TBL1Y: variants seen among roughly 807,000 people sequenced by gnomAD.
The protein encoded by TBL1Y is F-box-like/WD repeat-containing protein TBL1Y.
In TBL1Y, 15 loss-of-function variants were observed where a neutral mutation model predicts 12.0. The ratio of observed to expected loss-of-function variants is 1.25; its 90% CI spans 0.83 to 1.92. The LOEUF is 1.92. TBL1Y is among the 40% of genes most tolerant of loss of function. The pLI, the probability that TBL1Y is intolerant of heterozygous loss-of-function variation, is 0.00. For synonymous variants in TBL1Y, 53 were observed against 42.6 expected (o/e 1.24, Z -0.95); for missense variants, 148 against 116.7 (o/e 1.27, Z -1.24).
intron 4 of TBL1Y, among the ~76,000 whole-genome samples, chrY:7,007,029 G>A (rs768510718): frequency 3.0e-5 from 1 of 33,804 alleles, no homozygotes; most frequent in South Asian, 6.6e-4. Flanking sequence ...CAAGAACAGT[G>A]CTACTTAAAT....
intron 7 of TBL1Y, among the ~76,000 whole-genome samples, chrY:7,062,695 G>A (rs2012882709): frequency 1.5e-4 from 5 of 33,020 alleles, no homozygotes; most frequent in African/African-American, 4.8e-4. Context: ...TGCCTTTTGG[G>A]TTGAGGCTTA....
chrY:6,941,378 G>A (rs866864831), intron 2 of TBL1Y, among the ~76,000 whole-genome samples: 3 of 32,970 alleles, frequency 9.1e-5, no homozygotes, highest in Non-Finnish European at 2.2e-4. Context: ...AAAAGTAGCC[G>A]GGTGTGGTGG....
intron 8 of TBL1Y, among the ~76,000 whole-genome samples, chrY:7,065,419 C>G (rs2012974748): frequency 3.0e-5 from 1 of 33,803 alleles, no homozygotes; most frequent in Non-Finnish European, 7.3e-5. Context: ...TCCATTAAAC[C>G]TCTTTCCTTT....
intron 2 of TBL1Y, among the ~76,000 whole-genome samples, chrY:6,924,460 C>T: frequency 1.9e-4 from 6 of 31,142 alleles, no homozygotes; most frequent in Admixed American, 9.0e-4. Context: ...TGATGGCGGA[C>T]GCCTGTAGTC....
intron 3 of TBL1Y, among the ~76,000 whole-genome samples, chrY:6,981,622 C>T (rs1035122062): frequency 4.5e-3 from 139 of 31,108 alleles, no homozygotes; most frequent in Non-Finnish European, 0.01. Flanking sequence ...AATTCTCAAA[C>T]GTTGGGTGTT....
chrY:6,982,578 A>G (rs757363891), intron 3 of TBL1Y, among the ~76,000 whole-genome samples: 92 of 34,092 alleles, frequency 2.7e-3, no homozygotes, highest in Admixed American at 4.8e-3. Flanking sequence ...ATGCTGAAAG[A>G]CTTGTAATTA....
At chrY:6,957,329 C>T in intron 2 of TBL1Y, among the ~76,000 whole-genome samples, 2 of 34,172 alleles carry the variant, frequency 5.9e-5, no homozygotes. Flanking sequence ...AGCTCTCTCT[C>T]TGCTATATCC....
At chrY:6,978,959 G>A (rs2012264094) in intron 3 of TBL1Y, among the ~76,000 whole-genome samples, 2 of 32,116 alleles carry the variant, frequency 6.2e-5, no homozygotes, top group African/African-American at 1.2e-4. Flanking sequence ...TTTTGAGACA[G>A]AGTGTCACTC....
chrY:6,926,283 C>A (rs750568152), intron 2 of TBL1Y, among the ~76,000 whole-genome samples: 1 of 34,029 alleles, frequency 2.9e-5, no homozygotes, highest in Non-Finnish European at 7.3e-5. Flanking sequence ...TAAGGTTACA[C>A]ACACATGAAA....
At chrY:6,915,416 A>C in intron 2 of TBL1Y, among the ~76,000 whole-genome samples, 1 of 33,507 alleles carries the variant, frequency 3.0e-5, no homozygotes, top group Non-Finnish European at 7.4e-5. Flanking sequence ...TCAGTATGTT[A>C]TTTTTCTTAC....
At chrY:7,026,100 G>A in intron 6 of TBL1Y, among the ~76,000 whole-genome samples, 1 of 33,154 alleles carries the variant, frequency 3.0e-5, no homozygotes, top group Non-Finnish European at 7.4e-5. Flanking sequence ...GTTCATTTGA[G>A]CCTTGGTTTT....
chrY:7,072,074 AT>A lies in TBL1Y; in HGVS notation c.894+248del, dbSNP rs1569369948. ...ACCATCATGCTCAGCAAATTTTTAT[AT>A]TTTCAGTAGAGACAGGCTTTTGCTA... On this transcript the variant is annotated intron_variant, in intron 12 of 18. Coordinates refer to ENST00000383032, the MANE Select transcript of TBL1Y (RefSeq NM_033284.2). 7.8e-4 allele frequency among the ~76,000 whole-genome samples: 25 copies of A among 31,882 alleles called. No individual in the cohort carries two copies. In the East Asian group the frequency reaches 0.019, roughly 25 times the overall value. The allele number at this position is 31,882 out of a possible 37,273, so 85.5% of individuals were successfully genotyped here. A position where few individuals can be genotyped will look rare whatever the true frequency, so the allele number is the denominator to read the frequency against.
At chrY:7,065,095 T>C (rs2124179621) in intron 8 of TBL1Y, among the ~76,000 whole-genome samples, 1 of 33,038 alleles carries the variant, frequency 3.0e-5, no homozygotes, top group East Asian at 8.0e-4. Context: ...ATGGCTGAAG[T>C]TGTTTTCACA....
chrY:7,063,363 C>G (rs1044527780), intron 7 of TBL1Y, among the ~76,000 whole-genome samples: 1 of 33,776 alleles, frequency 3.0e-5, no homozygotes. Context: ...ACGCACGTGA[C>G]CCCTCCTGCT....
intron 17 of TBL1Y, among the ~76,000 whole-genome samples, chrY:7,088,681 A>G: frequency 3.0e-5 from 1 of 33,747 alleles, no homozygotes; most frequent in South Asian, 6.9e-4. Context: ...ATCAGTTAGG[A>G]GGAGCTTATC....
chrY:6,991,536 G>A, intron 3 of TBL1Y, among the ~76,000 whole-genome samples: 1 of 33,203 alleles, frequency 3.0e-5, no homozygotes, highest in Non-Finnish European at 7.4e-5. Context: ...CTTAAAGGGA[G>A]GGTGAGTGGC....
chrY:6,958,001 T>A (rs2012080248), intron 2 of TBL1Y, among the ~76,000 whole-genome samples: 1 of 33,586 alleles, frequency 3.0e-5, no homozygotes, highest in African/African-American at 1.2e-4. Context: ...CTCAATGTAC[T>A]ACGTTCATCA....
At chrY:7,008,696 A>G (rs2012501338) in intron 4 of TBL1Y, among the ~76,000 whole-genome samples, 1 of 32,784 alleles carries the variant, frequency 3.1e-5, no homozygotes, top group Admixed American at 2.8e-4. Context: ...TAGACAGAGA[A>G]GTCTGTTTGA....
intron 8 of TBL1Y, among the ~76,000 whole-genome samples, chrY:7,065,914 C>T (rs2012978843): frequency 5.9e-5 from 2 of 34,028 alleles, no homozygotes; most frequent in Non-Finnish European, 1.5e-4. Flanking sequence ...GAATTGGCTG[C>T]ATCCCCACCC....
Sources: gnomAD v4.1 joint callset for allele counts (sites outside exome capture counted in the v4.1 genomes callset) on GRCh38, gnomAD v4.1.1 for gene constraint, MANE v1.5 for transcripts, NCBI Gene and HGNC (gene_info 2026-07-23, HGNC 2026-07-21) for gene names.